CDH11: variants seen among roughly 807,000 people sequenced by gnomAD.
CDH11 encodes the protein cadherin-11.
CDH11 carries 11 observed loss-of-function variants against 67.8 expected under a neutral mutation model. That is an observed-to-expected ratio of 0.16 (90% CI 0.10 to 0.27). The LOEUF (loss-of-function observed/expected upper bound fraction) is 0.27, where lower values mean the gene tolerates loss of function less well. Ranked by LOEUF, CDH11 falls within the 10% of genes least tolerant of loss-of-function variation. The probability of loss-of-function intolerance (pLI) is 1.00; values close to 1 mark genes in which losing one functional copy is unlikely to be tolerated. For synonymous variants in CDH11, 419 were observed against 400.0 expected, an observed-to-expected ratio of 1.05 and a Z score of -0.57; for missense variants, 847 against 1,031.2, an observed-to-expected ratio of 0.82 and a Z score of 2.45.
At chr16:65,032,879 G>A (rs192504452) in intron 2 of CDH11, among the ~76,000 whole-genome samples, 4 of 152,264 alleles carry the variant, frequency 2.6e-5, no homozygotes, top group African/African-American at 9.6e-5. Context: ...ACCTAATCCT[G>A]ATTAACGTTT....
chr16:64,977,196 T>A (rs1324926321), intron 8 of CDH11, among the ~76,000 whole-genome samples: 2 of 152,100 alleles, frequency 1.3e-5, no homozygotes, highest in Non-Finnish European at 2.9e-5. Flanking sequence ...TGAGACCCTG[T>A]CTCAAAAACA....
chr16:64,991,674 T>C, intron 6 of CDH11, 94 bp downstream of exon 6: 1 of 839,306 alleles, frequency 1.2e-6, no homozygotes, highest in Non-Finnish European at 1.8e-6. Context: ...CTAGATTTTC[T>C]TTTTGATACC....
chr16:65,037,047 A>T (rs188872880), intron 2 of CDH11, among the ~76,000 whole-genome samples: 36 of 152,236 alleles, frequency 2.4e-4, no homozygotes, highest in Admixed American at 2.1e-3. Context: ...GGAGACATTC[A>T]AGGGGGCAGA....
intron 8 of CDH11, among the ~76,000 whole-genome samples, chr16:64,974,173 T>C (rs984035101): frequency 7.2e-5 from 11 of 152,054 alleles, no homozygotes; most frequent in Non-Finnish European, 1.5e-4. Flanking sequence ...AGTCTTGTTT[T>C]AATGGGTCTG....
chr16:65,066,993 G>A (rs2074323072), intron 1 of CDH11, among the ~76,000 whole-genome samples: 1 of 152,200 alleles, frequency 6.6e-6, no homozygotes, highest in Admixed American at 6.5e-5. Flanking sequence ...GCAAACAGTG[G>A]TATTCCTGGG....
rs1448007479 is a variant in CDH11 at position 65,110,509 on chromosome 16, T to G, written c.-298+11371A>C. 2.0e-5 allele frequency among the ~76,000 whole-genome samples: 3 copies of G among 152,142 alleles called. No individual in the cohort carries two copies. In the East Asian group the frequency reaches 5.8e-4, roughly 29 times the overall value. ...ACGAGAAGAGTGAAGGCACCACGGTTGTCCCCGCTGGACATGGGTGGCTAT... is the reference window on the plus strand; with the variant it reads ...ACGAGAAGAGTGAAGGCACCACGGTGGTCCCCGCTGGACATGGGTGGCTAT... On this transcript the variant is annotated intron_variant, in intron 1 of 12. Transcript: ENST00000268603.
intron 1 of CDH11, among the ~76,000 whole-genome samples, chr16:65,092,882 G>A (rs1295045393): frequency 6.7e-6 from 1 of 150,028 alleles, no homozygotes; most frequent in African/African-American, 2.4e-5. Context: ...GTGATGTGAT[G>A]TACTTTTTAA....
intron 2 of CDH11, among the ~76,000 whole-genome samples, chr16:65,036,098 T>C (rs1221119392): frequency 6.6e-6 from 1 of 152,150 alleles, no homozygotes; most frequent in Non-Finnish European, 1.5e-5. Context: ...TTTTATTAAT[T>C]TGCACACAGC....
Position 64,946,220 on chromosome 16 carries a change from A to T in CDH11, c.*1383T>A. ...TCATTTTACAATTAGTTAAAATTAC[A>T]GGAGGAAAAATAAGCAGTTTCAACT... On this transcript the variant is annotated 3_prime_UTR_variant, in exon 13 of 13. Coordinates refer to ENST00000268603, the MANE Select transcript of CDH11 (RefSeq NM_001797.4). The T allele has an allele frequency of 9.5e-7, 1 of 1,049,978 alleles. No individual in the cohort carries two copies. Among genetic ancestry groups the T allele is most frequent in the Non-Finnish European group, 1.1e-6 (1 of 869,618 alleles). 65.0% of individuals were successfully genotyped at this position (1,049,978 alleles called of 1,614,324 possible). A position where few individuals can be genotyped will look rare whatever the true frequency, so the allele number is the denominator to read the frequency against.
chr16:65,109,446 C>T (rs2075120885), intron 1 of CDH11, among the ~76,000 whole-genome samples: 1 of 152,116 alleles, frequency 6.6e-6, no homozygotes, highest in Non-Finnish European at 1.5e-5. Flanking sequence ...TCCTTGCTGC[C>T]CAAACTCACC....
chr16:65,076,388 A>G (rs2074509874), intron 1 of CDH11, among the ~76,000 whole-genome samples: 1 of 152,122 alleles, frequency 6.6e-6, no homozygotes, highest in African/African-American at 2.4e-5. Context: ...TCCCTCCCTC[A>G]GGCTCACTGA....
chr16:64,954,089 A>G (rs958288936), intron 11 of CDH11, among the ~76,000 whole-genome samples: 2 of 152,316 alleles, frequency 1.3e-5, no homozygotes, highest in Non-Finnish European at 2.9e-5. Context: ...TCAAACACCA[A>G]TGGAAAACAT....
At chr16:65,062,391 C>T (rs1022747570) in intron 1 of CDH11, among the ~76,000 whole-genome samples, 3 of 152,148 alleles carry the variant, frequency 2.0e-5, no homozygotes, top group Non-Finnish European at 2.9e-5. Context: ...GAGACACACA[C>T]ACTGCAGTGT....
chr16:64,965,097 G>A (rs1042096851), intron 11 of CDH11, among the ~76,000 whole-genome samples: 4 of 146,996 alleles, frequency 2.7e-5, no homozygotes, highest in African/African-American at 7.6e-5. Context: ...GGTGGCTCAC[G>A]TCTGAAATCC....
At position 64,947,168 on chromosome 16, in the gene CDH11, G is replaced by A; in HGVS notation, c.*435C>T. On this transcript the variant is annotated 3_prime_UTR_variant, in exon 13 of 13. Transcript: ENST00000268603. ...TATTATATATTTCAAGTTTAAAAAT[G>A]CACTACATATAGAGTGTCCAGAGTT... The A allele has an allele frequency of 9.5e-7, 1 of 1,049,722 alleles. No individual in the cohort carries two copies. The highest frequency in any genetic ancestry group is 1.2e-6 in the Non-Finnish European group (1 of 867,710). The allele number at this position is 1,049,722 out of a possible 1,614,324, so 65.0% of individuals were successfully genotyped here.
At position 64,955,999 on chromosome 16, in the gene CDH11, A is replaced by G. The variant is rs1267168647; in HGVS notation, c.1643-4981T>C. On this transcript the variant is annotated intron_variant, in intron 11 of 12. Transcript: ENST00000268603. The stretch of plus-strand genomic sequence containing the variant: ...AGAGGTTCAGTGAGGACATATTTCC[A>G]GGAAAGTGTCAGATTGGCTCCAGGT... 9.8e-5 allele frequency among the ~76,000 whole-genome samples: 15 copies of G among 152,328 alleles called. No homozygotes were observed. In the South Asian group the frequency reaches 2.7e-3, roughly 27 times the overall value.
chr16:65,035,457 A>G (rs1007988706), intron 2 of CDH11, among the ~76,000 whole-genome samples: 5 of 152,230 alleles, frequency 3.3e-5, no homozygotes, highest in African/African-American at 1.2e-4. Flanking sequence ...TGGCACCCAC[A>G]GCAGTGCCCC....
At chr16:64,988,399 C>T in intron 6 of CDH11, 55 bp from the exon 7 acceptor site, 1 of 1,418,586 alleles carries the variant, frequency 7.0e-7, no homozygotes. Flanking sequence ...AGCTGTAAGA[C>T]TATAGATTTC....
At chr16:65,099,702 A>C (rs1337846983) in intron 1 of CDH11, among the ~76,000 whole-genome samples, 1 of 152,222 alleles carries the variant, frequency 6.6e-6, no homozygotes, top group Admixed American at 6.5e-5. Context: ...ATGGAAATGT[A>C]GAAATATAAA....
Sources: allele counts gnomAD v4.1 joint callset (sites outside exome capture counted in the v4.1 genomes callset), GRCh38; gene constraint gnomAD v4.1.1; transcripts MANE v1.5; gene names NCBI Gene and HGNC (gene_info 2026-07-23, HGNC 2026-07-21).